Variants in DAB1 observed in about 807,000 individuals in gnomAD.
DAB1 encodes the protein disabled homolog 1.
In DAB1, 15 loss-of-function variants were observed where a neutral mutation model predicts 64.6. The ratio of observed to expected loss-of-function variants is 0.23; its 90% CI spans 0.16 to 0.36. The LOEUF is 0.36. DAB1 is among the 10% of genes least tolerant of loss of function. DAB1 has a pLI of 1.00. For missense variants in DAB1, 596 were observed against 706.7 expected (o/e 0.84, Z 1.78); for synonymous variants, 235 against 251.9 (o/e 0.93, Z 0.64).
chr1:57,532,466 C>T (rs1022008472), intron 7 of DAB1, among the ~76,000 whole-genome samples: 1 of 152,092 alleles, frequency 6.6e-6, no homozygotes, highest in Non-Finnish European at 1.5e-5. Context: ...TTTATCTTTC[C>T]CATTTGGAAG....
At chr1:58,079,293 C>T (rs1472793777) in intron 5 of DAB1, among the ~76,000 whole-genome samples, 1 of 152,126 alleles carries the variant, frequency 6.6e-6, no homozygotes, top group Non-Finnish European at 1.5e-5. Flanking sequence ...AAACAACACC[C>T]TCCACTGCAC....
intron 4 of DAB1, among the ~76,000 whole-genome samples, chr1:58,327,752 A>G (rs949315668): frequency 1.3e-5 from 2 of 152,194 alleles, no homozygotes; most frequent in African/African-American, 4.8e-5. Context: ...CGAGGTCAGG[A>G]GTTCGAGACC....
chr1:57,705,874 G>GTTTTTTTTTTTTTTTTTTTTTTTTT (rs11375591), intron 6 of DAB1, among the ~76,000 whole-genome samples: 1 of 144,768 alleles, frequency 6.9e-6, no homozygotes. Context: ...CAATACTAGG[G>GTTTTTTTTTTTTTTTTTTTTTTTTT]TTTTTTTTTT....
intron 5 of DAB1, among the ~76,000 whole-genome samples, chr1:58,070,817 C>A (rs1331692682): frequency 6.6e-6 from 1 of 152,104 alleles, no homozygotes; most frequent in Non-Finnish European, 1.5e-5. Flanking sequence ...GGGTCTCTGG[C>A]CTGTGTGACC....
At chr1:57,207,653 C>T (rs1665691864) in intron 2 of DAB1, among the ~76,000 whole-genome samples, 1 of 150,212 alleles carries the variant, frequency 6.7e-6, no homozygotes, top group Non-Finnish European at 1.5e-5. Context: ...CCGTTTTTAG[C>T]CGGGATGGTC....
intron 2 of DAB1, among the ~76,000 whole-genome samples, chr1:57,203,498 T>G (rs962071315): frequency 6.6e-6 from 1 of 152,178 alleles, no homozygotes; most frequent in Admixed American, 6.5e-5. Flanking sequence ...GCCATGACAC[T>G]GCCCATCCAT....
chr1:57,920,470 C>A (rs1444474079), intron 5 of DAB1, among the ~76,000 whole-genome samples: 1 of 152,080 alleles, frequency 6.6e-6, no homozygotes, highest in Non-Finnish European at 1.5e-5. Context: ...TGCACCACCA[C>A]ACCTGACTAA....
At chr1:58,101,296 G>A (rs553110339) in intron 5 of DAB1, among the ~76,000 whole-genome samples, 1 of 152,226 alleles carries the variant, frequency 6.6e-6, no homozygotes, top group African/African-American at 2.4e-5. Flanking sequence ...CAGCCTGGGC[G>A]ACAGAGCGAG....
At chr1:57,839,410 C>T in intron 1 of DAB1, among the ~76,000 whole-genome samples, 1 of 152,186 alleles carries the variant, frequency 6.6e-6, no homozygotes, top group Middle Eastern at 3.2e-3. Flanking sequence ...TCTGATTTTT[C>T]ACCTCCATTG....
rs148316214 is a variant in DAB1 at position 57,078,161 on chromosome 1, A to G, written c.307-5747T>C. Reference sequence around the variant, plus strand: ...CAGGCAACCCATCATCAAACACTCAATGGAGTGGGTCAGAGTGAAGTGCTC... The same window carrying G: ...CAGGCAACCCATCATCAAACACTCAGTGGAGTGGGTCAGAGTGAAGTGCTC... On this transcript the variant is annotated intron_variant, in intron 4 of 14. Coordinates refer to ENST00000371236, the MANE Select transcript of DAB1 (RefSeq NM_001365792.1). 7.6e-3 allele frequency among the ~76,000 whole-genome samples: 1,150 copies of G among 152,272 alleles called. 20 individuals carry two copies. Among genetic ancestry groups the G allele is most frequent in the African/African-American group, 0.026 (1,077 of 41,562 alleles).
chr1:57,794,883 T>TA (rs1382938475), intron 6 of DAB1, among the ~76,000 whole-genome samples: 1 of 152,220 alleles, frequency 6.6e-6, no homozygotes, highest in African/African-American at 2.4e-5. Context: ...ATATCTGACT[T>TA]ACGGCAAGAG....
chr1:57,685,252 G>T (rs3131759), intron 6 of DAB1, among the ~76,000 whole-genome samples: 111,292 of 151,114 alleles, frequency 0.74, 41,882 homozygotes, highest in East Asian at 0.93. Flanking sequence ...ACTCGTGGCC[G>T]GGAGTTGCTA....
intron 4 of DAB1, among the ~76,000 whole-genome samples, chr1:58,334,631 T>C (rs11207197): frequency 0.25 from 20,947 of 82,200 alleles, 1,773 homozygotes; most frequent in Admixed American, 0.29. Flanking sequence ...TATATTATAT[T>C]ATATCATATC....
chr1:57,931,419 G>A (rs1267831719), intron 5 of DAB1, among the ~76,000 whole-genome samples: 1 of 152,196 alleles, frequency 6.6e-6, no homozygotes, highest in Non-Finnish European at 1.5e-5. Context: ...GAAAAAGATT[G>A]TAGAGAAACT....
chr1:57,553,386 GAAAGAAAGAAAGAAAGAAAGAA>G (rs1644938771), intron 7 of DAB1, among the ~76,000 whole-genome samples: 1 of 14,564 alleles, frequency 6.9e-5, no homozygotes, highest in African/African-American at 1.3e-4. Flanking sequence ...GGAAGAAAGA[GAAAGAAAGAAAGAAAGAAAGAA>G]AGAAAGAAAG....
chr1:57,307,784 C>A (rs1423581944), intron 1 of DAB1, among the ~76,000 whole-genome samples: 1 of 152,070 alleles, frequency 6.6e-6, no homozygotes, highest in Non-Finnish European at 1.5e-5. Flanking sequence ...GGCCACACCC[C>A]CTTTCCTGTA....
chr1:57,746,749 A>C (rs1192529767), intron 6 of DAB1, among the ~76,000 whole-genome samples: 2 of 152,070 alleles, frequency 1.3e-5, no homozygotes, highest in African/African-American at 4.8e-5. Context: ...ATATTGTATC[A>C]TTTTTATTTC....
intron 4 of DAB1, among the ~76,000 whole-genome samples, chr1:58,172,365 G>A (rs994906485): frequency 2.0e-5 from 3 of 152,144 alleles, no homozygotes; most frequent in Non-Finnish European, 4.4e-5. Flanking sequence ...GGTGGTGGCC[G>A]TCTTAGCATC....
At chr1:58,045,426 G>A (rs888639711) in intron 5 of DAB1, among the ~76,000 whole-genome samples, 2 of 152,174 alleles carry the variant, frequency 1.3e-5, no homozygotes, top group East Asian at 1.9e-4. Flanking sequence ...CCAACTCCGC[G>A]AGCGGGGCTG....
Sources: gnomAD v4.1 joint callset for allele counts (sites outside exome capture counted in the v4.1 genomes callset) on GRCh38, gnomAD v4.1.1 for gene constraint, MANE v1.5 for transcripts, NCBI Gene and HGNC (gene_info 2026-07-23, HGNC 2026-07-21) for gene names.